HPSE2: variants seen among roughly 807,000 people sequenced by gnomAD.
HPSE2 encodes heparanase 2 (inactive).
Under a neutral mutation model 60.5 loss-of-function variants are expected in HPSE2, and 38 were observed. That is an observed-to-expected ratio of 0.63 (90% CI 0.48 to 0.82). HPSE2 has a LOEUF of 0.82. HPSE2 is among the 40% of genes least tolerant of loss of function. The probability of loss-of-function intolerance (pLI) is 0.00; values close to 1 mark genes in which losing one functional copy is unlikely to be tolerated. For synonymous variants in HPSE2, 295 were observed against 293.2 expected (o/e 1.01, Z -0.06); for missense variants, 713 against 740.4 (o/e 0.96, Z 0.43).
chr10:98,999,795 G>C (rs1419517837), intron 3 of HPSE2, among the ~76,000 whole-genome samples: 1 of 152,100 alleles, frequency 6.6e-6, no homozygotes, highest in Non-Finnish European at 1.5e-5. Flanking sequence ...AGATAGGCCT[G>C]GACAAAATCA....
At chr10:98,711,205 A>T (rs2134220119) in intron 5 of HPSE2, among the ~76,000 whole-genome samples, 1 of 152,198 alleles carries the variant, frequency 6.6e-6, no homozygotes, top group African/African-American at 2.4e-5. Context: ...AGTTGTAAAG[A>T]CTTGGATTCA....
At chr10:98,544,853 A>G (rs539179704) in intron 9 of HPSE2, among the ~76,000 whole-genome samples, 5 of 152,252 alleles carry the variant, frequency 3.3e-5, no homozygotes, top group Admixed American at 2.0e-4. Context: ...CAAAAAATCA[A>G]TGAATCCAGG....
intron 9 of HPSE2, 79 bp downstream of exon 9, chr10:98,614,825 C>T: frequency 8.4e-6 from 8 of 952,742 alleles, no homozygotes; most frequent in Non-Finnish European, 1.2e-5. Flanking sequence ...GAAAAATATT[C>T]TCCTAGTATG....
At chr10:98,948,368 C>T (rs2135183386) in intron 3 of HPSE2, among the ~76,000 whole-genome samples, 1 of 152,216 alleles carries the variant, frequency 6.6e-6, no homozygotes, top group Middle Eastern at 3.4e-3. Context: ...ATGGACACCA[C>T]ACAAGAGGAA....
intron 3 of HPSE2, among the ~76,000 whole-genome samples, chr10:98,744,739 A>G (rs180813351): frequency 1.2e-3 from 184 of 152,288 alleles, no homozygotes; most frequent in Non-Finnish European, 6.5e-4. Context: ...TGGCACTGCT[A>G]GGTCCATATT....
the HPSE2 span, among the ~76,000 whole-genome samples, chr10:99,313,692 C>T: frequency 1.4e-5 from 2 of 143,362 alleles, no homozygotes; most frequent in African/African-American, 2.6e-5. Context: ...CTCCATCTCC[C>T]GGGTTCAAGT....
At chr10:99,131,475 A>G (rs1159800389) in intron 3 of HPSE2, among the ~76,000 whole-genome samples, 1 of 152,062 alleles carries the variant, frequency 6.6e-6, no homozygotes, top group East Asian at 1.9e-4. Context: ...AAAATGTGAT[A>G]TATATTTATA....
chr10:98,676,542 T>C lies in HPSE2; in HGVS notation c.1004+17358A>G, dbSNP rs1230332502. Among the ~76,000 whole-genome samples the C allele has an allele frequency of 3.9e-5, 6 of 152,314 alleles. No individual in the cohort carries two copies. In the East Asian group the frequency reaches 7.7e-4, roughly 20 times the overall value. On this transcript the variant is annotated intron_variant, in intron 6 of 11. Coordinates refer to ENST00000370552, the MANE Select transcript of HPSE2 (RefSeq NM_021828.5). The stretch of plus-strand genomic sequence containing the variant: ...AAATCAATTAGCTCATGAGGCAGGA[T>C]CTTTCTCCTTTGGCTAACTGATGAC...
the HPSE2 span, among the ~76,000 whole-genome samples, chr10:99,285,298 T>A: frequency 6.7e-6 from 1 of 149,934 alleles, no homozygotes; most frequent in African/African-American, 2.5e-5. Context: ...CTGGGCAGAG[T>A]GGTACATGCC....
chr10:99,266,538 C>A, the HPSE2 span, among the ~76,000 whole-genome samples: 3 of 152,108 alleles, frequency 2.0e-5, no homozygotes, highest in Non-Finnish European at 2.9e-5. Flanking sequence ...ACCCTGCCCC[C>A]ACGTGATGGT....
chr10:98,937,852 C>T (rs1954854697), intron 3 of HPSE2, among the ~76,000 whole-genome samples: 1 of 143,342 alleles, frequency 7.0e-6, no homozygotes. Flanking sequence ...TAGGGGCAGA[C>T]TGACACCTCA....
At position 98,973,706 on chromosome 10, in the gene HPSE2, A is replaced by G. The variant is rs61883740; in HGVS notation, c.610+170532T>C. Among the ~76,000 whole-genome samples, 456 of 152,318 alleles carry G rather than the reference A, an allele frequency of 3.0e-3. 2 individuals carry two copies. The highest frequency in any genetic ancestry group is 5.2e-3 in the Non-Finnish European group (351 of 68,028). ...TACCAAATGTGATCAACTTCTAAGA[A>G]CAAGAATATAGCATTTTTGCCAAGG... is the stretch of plus-strand genomic sequence containing the variant. On this transcript the variant is annotated intron_variant, in intron 3 of 11. Coordinates refer to ENST00000370552, the MANE Select transcript of HPSE2 (RefSeq NM_021828.5).
At chr10:98,736,395 T>A (rs1165568936) in intron 4 of HPSE2, among the ~76,000 whole-genome samples, 1 of 152,132 alleles carries the variant, frequency 6.6e-6, no homozygotes. Context: ...ATACAGCAGC[T>A]GTCCCACAAA....
chr10:98,881,425 A>AGGCTG (rs1187161104), intron 3 of HPSE2, among the ~76,000 whole-genome samples: 1 of 152,102 alleles, frequency 6.6e-6, no homozygotes, highest in Middle Eastern at 3.2e-3. Context: ...CTATCTGAAC[A>AGGCTG]GGCTGCAACC....
intron 2 of HPSE2, among the ~76,000 whole-genome samples, chr10:99,182,534 A>C (rs930743284): frequency 6.6e-6 from 1 of 152,216 alleles, no homozygotes; most frequent in Non-Finnish European, 1.5e-5. Context: ...AAATATAAAA[A>C]GATCCAAAGT....
chr10:99,043,096 A>C (rs981631692), intron 3 of HPSE2, among the ~76,000 whole-genome samples: 2 of 152,172 alleles, frequency 1.3e-5, no homozygotes, highest in African/African-American at 4.8e-5. Context: ...CGACCCTCCG[A>C]AATAAGAAAA....
At chr10:98,541,530 G>A (rs1360006236) in intron 9 of HPSE2, among the ~76,000 whole-genome samples, 1 of 152,202 alleles carries the variant, frequency 6.6e-6, no homozygotes, top group Admixed American at 6.5e-5. Context: ...CCTCACTCAG[G>A]AAGTGCAAGG....
intron 11 of HPSE2, among the ~76,000 whole-genome samples, chr10:98,479,792 TTA>T (rs1429295456): frequency 2.0e-5 from 3 of 152,218 alleles, no homozygotes; most frequent in African/African-American, 7.2e-5. Context: ...TGTAAAATCG[TTA>T]TGTGTGTATC....
chr10:98,738,010 A>G (rs1040849859), intron 4 of HPSE2, among the ~76,000 whole-genome samples: 3 of 152,240 alleles, frequency 2.0e-5, no homozygotes, highest in Non-Finnish European at 1.5e-5. Context: ...AACAAAAAAG[A>G]GCCCATATAG....
Sources: gnomAD v4.1 joint callset for allele counts (sites outside exome capture counted in the v4.1 genomes callset) on GRCh38, gnomAD v4.1.1 for gene constraint, MANE v1.5 for transcripts, NCBI Gene and HGNC (gene_info 2026-07-23, HGNC 2026-07-21) for gene names.